Variants in CNTRL observed in about 807,000 individuals in gnomAD.
The protein encoded by CNTRL is centriolin.
Under a neutral mutation model 303.7 loss-of-function variants are expected in CNTRL, and 233 were observed. The ratio of observed to expected loss-of-function variants is 0.77; its 90% CI spans 0.69 to 0.86. The LOEUF (loss-of-function observed/expected upper bound fraction) is 0.86, where lower values mean the gene tolerates loss of function less well. CNTRL is among the 40% of genes least tolerant of loss of function. The pLI is 0.00. For synonymous variants in CNTRL, 900 were observed against 922.2 expected (o/e 0.98, Z 0.44); for missense variants, 2,524 against 2,650.6 (o/e 0.95, Z 1.05).
At chr9:121,166,211 T>G in intron 36 of CNTRL, 31 bp downstream of exon 36, 1 of 1,465,032 alleles carries the variant, frequency 6.8e-7, no homozygotes, top group Non-Finnish European at 9.4e-7. Context: ...ATTCTAGTAG[T>G]ATACTGAGGG....
intron 22 of CNTRL, 60 bp downstream of exon 22, chr9:121,145,445 C>A: frequency 1.3e-6 from 2 of 1,506,086 alleles, no homozygotes; most frequent in Non-Finnish European, 1.8e-6. Flanking sequence ...TAAATCATCT[C>A]ATTTGTTTTT....
chr9:121,127,809 G>GACAGGCCC (rs2050618175), intron 14 of CNTRL, among the ~76,000 whole-genome samples: 1 of 81,954 alleles, frequency 1.2e-5, no homozygotes, highest in African/African-American at 5.3e-5. Context: ...CCCACCCCAC[G>GACAGGCCC]ACAGGCCCCG....
chr9:121,175,821 T>C (rs2053501670), intron 43 of CNTRL, among the ~76,000 whole-genome samples: 1 of 152,222 alleles, frequency 6.6e-6, no homozygotes, highest in African/African-American at 2.4e-5. Flanking sequence ...TCTGGATTTA[T>C]TTATTTCCTA....
Position 121,146,183 on chromosome 9 carries a change from A to C in CNTRL, c.3386A>C (p.Tyr1129Ser). 1 of 1,613,800 alleles carries C rather than the reference A, an allele frequency of 6.2e-7. No individual in the cohort carries two copies. The highest frequency in any genetic ancestry group is 8.5e-7 in the Non-Finnish European group (1 of 1,179,936). ...LRREVSYQND[Y>S]ISSMADPFKR... ...CGTGAAGTTTCTTATCAGAATGATT[A>C]CATAAGCAGCATGGCAGATCCTTTC... Residue 1129 changes from tyrosine to serine, a missense_variant, in exon 23 of 44, where the codon TAC becomes TCC. By Grantham distance (144) the Tyr-to-Ser change is moderately radical. Coordinates refer to ENST00000373855, the MANE Select transcript of CNTRL (RefSeq NM_007018.6).
intron 27 of CNTRL, 43 bp from the exon 28 acceptor site, chr9:121,157,427 A>C (rs1483545202): frequency 1.3e-6 from 2 of 1,595,468 alleles, no homozygotes; most frequent in African/African-American, 2.7e-5. Flanking sequence ...GCTGTGAGTG[A>C]GTATTGTAAC....
In CNTRL at chr9:121,173,372, C is replaced by A. The variant is rs374425853; in HGVS notation, c.6547C>A (p.Pro2183Thr). The A allele has an allele frequency of 2.1e-4, 337 of 1,613,988 alleles. No individual in the cohort carries two copies. The highest frequency in any genetic ancestry group is 2.7e-4 in the Non-Finnish European group (324 of 1,180,030). The change falls in exon 41 of 44, where the codon CCA (proline) becomes ACA (threonine). Residue 2183 changes from proline to threonine, a missense_variant. Pro to Thr is a conservative substitution (Grantham distance 38). Transcript: ENST00000373855. Reference sequence around the variant, plus strand: ...TCTTAATCAGTTTCTTCCAGAACTACCAGCAGATCTAGAAGCTATTTTGGA... The same window carrying A: ...TCTTAATCAGTTTCTTCCAGAACTAACAGCAGATCTAGAAGCTATTTTGGA... ...KNLNQFLPEL[P>T]ADLEAILERN...
chr9:121,114,740 C>T lies in CNTRL; in HGVS notation c.1346-351C>T, dbSNP rs189537284. Among the ~76,000 whole-genome samples, 192 of 152,226 alleles carry T rather than the reference C, an allele frequency of 1.3e-3. 1 individual carries two copies. Among genetic ancestry groups the T allele is most frequent in the South Asian group, 2.1e-3 (10 of 4,824 alleles). On this transcript the variant is annotated intron_variant, in intron 10 of 43. Transcript: ENST00000373855. ...AGGTTTTATGGGTTATTTTTAATAT[C>T]CTGAACCTAATTATAACTTAGTAAC...
intron 7 of CNTRL, among the ~76,000 whole-genome samples, chr9:121,105,308 A>G (rs79494206): frequency 5.0e-4 from 76 of 152,344 alleles, no homozygotes; most frequent in Non-Finnish European, 9.1e-4. Context: ...AAGCAGCAGC[A>G]TTTTCTAATG....
chr9:121,094,867 C>A, intron 4 of CNTRL, 21 bp from the exon 5 acceptor site: 3 of 1,508,432 alleles, frequency 2.0e-6, no homozygotes, highest in South Asian at 1.2e-5. Flanking sequence ...GTAAAGTATT[C>A]ATTCATTTGT....
intron 30 of CNTRL, 33 bp from the exon 31 acceptor site, chr9:121,158,822 G>T (rs1412608470): frequency 6.2e-7 from 1 of 1,608,506 alleles, no homozygotes; most frequent in Non-Finnish European, 8.5e-7. Flanking sequence ...TATGGCCTTT[G>T]TCAAACTTAC....
At chr9:121,156,319 T>C (rs1458347280) in intron 27 of CNTRL, among the ~76,000 whole-genome samples, 1 of 152,082 alleles carries the variant, frequency 6.6e-6, no homozygotes, top group African/African-American at 2.4e-5. Context: ...CCAAAATGAC[T>C]CAGGGAGGCA....
chr9:121,126,813 T>C (rs996484371), intron 14 of CNTRL, among the ~76,000 whole-genome samples: 2 of 126,070 alleles, frequency 1.6e-5, no homozygotes, highest in African/African-American at 5.1e-5. Flanking sequence ...GTTTATGTTT[T>C]TGTTTGTTTG....
At chr9:121,163,457 G>T (rs1358208915) in intron 34 of CNTRL, among the ~76,000 whole-genome samples, 1 of 151,342 alleles carries the variant, frequency 6.6e-6, no homozygotes, top group Non-Finnish European at 1.5e-5. Context: ...CCTTGGAGTG[G>T]GCAAAAATTC....
intron 1 of CNTRL, among the ~76,000 whole-genome samples, chr9:121,079,305 T>G (rs2048049499): frequency 6.6e-6 from 1 of 152,108 alleles, no homozygotes. Flanking sequence ...GTTTTTCTGA[T>G]CCATATGTAT....
intron 7 of CNTRL, among the ~76,000 whole-genome samples, chr9:121,100,281 A>G (rs895091769): frequency 6.6e-6 from 1 of 152,230 alleles, no homozygotes; most frequent in Admixed American, 6.5e-5. Flanking sequence ...ATAATTTTCA[A>G]CCCAGAATCT....
intron 6 of CNTRL, among the ~76,000 whole-genome samples, chr9:121,097,741 G>A (rs1037229523): frequency 6.6e-6 from 1 of 152,134 alleles, no homozygotes; most frequent in African/African-American, 2.4e-5. Context: ...CTTAGTGTCA[G>A]CTGTGCAATA....
chr9:121,109,775 T>C (rs1453672601), intron 8 of CNTRL, among the ~76,000 whole-genome samples: 1 of 152,138 alleles, frequency 6.6e-6, no homozygotes, highest in African/African-American at 2.4e-5. Context: ...TACTATTATT[T>C]TGAATTTGTA....
chr9:121,109,052 C>T (rs1227129645), intron 8 of CNTRL, among the ~76,000 whole-genome samples: 1 of 152,096 alleles, frequency 6.6e-6, no homozygotes, highest in Non-Finnish European at 1.5e-5. Context: ...GGGATTGGTT[C>T]CAGGACACCC....
chr9:121,094,677 GT>G (rs1282798291), intron 4 of CNTRL, among the ~76,000 whole-genome samples: 1 of 152,178 alleles, frequency 6.6e-6, no homozygotes, highest in Non-Finnish European at 1.5e-5. Flanking sequence ...CAATGTTGTT[GT>G]CAACTGAAGG....
Sources: gnomAD v4.1 joint callset for allele counts (sites outside exome capture counted in the v4.1 genomes callset) on GRCh38, gnomAD v4.1.1 for gene constraint, MANE v1.5 for transcripts, NCBI Gene and HGNC (gene_info 2026-07-23, HGNC 2026-07-21) for gene names.